SPTBN4: variants seen among roughly 807,000 people sequenced by gnomAD.
SPTBN4 encodes the protein spectrin beta, non-erythrocytic 4.
In SPTBN4, 96 loss-of-function variants were observed where a neutral mutation model predicts 277.8. The ratio of observed to expected loss-of-function variants is 0.35; its 90% confidence interval spans 0.29 to 0.41. SPTBN4 has a LOEUF of 0.41. SPTBN4 is among the 10% of genes least tolerant of loss of function. The probability of loss-of-function intolerance (pLI) is 1.00; values close to 1 mark genes in which losing one functional copy is unlikely to be tolerated. For missense variants in SPTBN4, 3,006 were observed against 3,595.7 expected (o/e 0.84, Z 4.19); for synonymous variants, 1,481 against 1,580.3 (o/e 0.94, Z 1.49).
chr19:40,486,850 A>G (rs913256964), intron 2 of SPTBN4, among the ~76,000 whole-genome samples: 2 of 152,144 alleles, frequency 1.3e-5, no homozygotes, highest in Admixed American at 6.6e-5. Flanking sequence ...ACAGGCACAG[A>G]GTGTGCATTC....
chr19:40,566,320 C>T lies in SPTBN4; in HGVS notation c.6297C>T (p.Ala2099=). The T allele has an allele frequency of 1.3e-6, 2 of 1,592,110 alleles. No homozygotes were observed. Among genetic ancestry groups the T allele is most frequent in the Non-Finnish European group, 1.7e-6 (2 of 1,169,468 alleles). Residue 2099 remains alanine, a synonymous_variant, in exon 30 of 36, where the codon GCC becomes GCT. Coordinates refer to ENST00000598249, the MANE Select transcript of SPTBN4 (RefSeq NM_020971.3). ...AGGCCTTCCGCAAAGCGGCTGCAGC[C>T]TGGGAAGAGAGGTTCAGCTCTCTGC... The part of the protein sequence containing the change: ...RHEAFRKAAA[A]WEERFSSLRR...
At position 40,572,393 on chromosome 19, in the gene SPTBN4, C is replaced by T; in HGVS notation, c.7536+13C>T. The T allele has an allele frequency of 6.2e-7, 1 of 1,614,120 alleles. No homozygotes were observed. Among genetic ancestry groups the T allele is most frequent in the Non-Finnish European group, 8.5e-7 (1 of 1,179,968 alleles). On this transcript the variant is annotated intron_variant, in intron 35 of 35. Coordinates refer to ENST00000598249, the MANE Select transcript of SPTBN4 (RefSeq NM_020971.3). ...GGCAAAAGATGAGGTGAGATCTGGT[C>T]CTTTCCTCCCTCTGTGTGGACCTCA...
At chr19:40,491,305 G>A (rs2080132872) in intron 4 of SPTBN4, among the ~76,000 whole-genome samples, 1 of 152,120 alleles carries the variant, frequency 6.6e-6, no homozygotes, top group Non-Finnish European at 1.5e-5. Context: ...AGAATGGGAG[G>A]CAACGGGAGA....
chr19:40,565,658 C>A lies in SPTBN4; in HGVS notation c.6055-3C>A. On this transcript the variant is annotated splice_region_variant and splice_polypyrimidine_tract_variant and intron_variant, in intron 28 of 35. Transcript: ENST00000598249. ...TTCCCTCCCACCCACCTGCCACTCCCAGATCCAGGCACAGCTGGACAAGCT... is the reference window on the plus strand; with the variant it reads ...TTCCCTCCCACCCACCTGCCACTCCAAGATCCAGGCACAGCTGGACAAGCT... 1 of 1,556,820 alleles carries A rather than the reference C, an allele frequency of 6.4e-7. No homozygotes were observed. The highest frequency in any genetic ancestry group is 8.7e-7 in the Non-Finnish European group (1 of 1,149,638).
Position 40,493,028 on chromosome 19 carries a change from C to A in SPTBN4, c.561C>A (p.Leu187=). 1 of 1,614,114 alleles carries A rather than the reference C, an allele frequency of 6.2e-7. No individual in the cohort carries two copies. Among genetic ancestry groups the A allele is most frequent in the East Asian group, 2.2e-5 (1 of 44,878 alleles). Residue 187 remains leucine (L), a synonymous_variant, in exon 5 of 36, where the codon CTC becomes CTA. Transcript: ENST00000598249. ...CACGCTCAGCCAAGGATGCTCTGCT[C>A]TTGTGGTGTCAGATGAAGACAGCTG... ...RETRSAKDAL[L]LWCQMKTAGY... is the part of the protein sequence containing the mutation.
At chr19:40,517,352 C>T (rs776787551) in intron 15 of SPTBN4, among the ~76,000 whole-genome samples, 3 of 151,450 alleles carry the variant, frequency 2.0e-5, no homozygotes, top group East Asian at 1.9e-4. Flanking sequence ...TGCAGTGGTA[C>T]GATCATGGCT....
At chr19:40,514,683 G>A (rs2080433557) in intron 14 of SPTBN4, among the ~76,000 whole-genome samples, 1 of 152,206 alleles carries the variant, frequency 6.6e-6, no homozygotes, top group Admixed American at 6.5e-5. Context: ...TGGAGACTGA[G>A]GTGTGACTGT....
chr19:40,481,901 C>T (rs950654545), intron 2 of SPTBN4, among the ~76,000 whole-genome samples: 3 of 151,372 alleles, frequency 2.0e-5, no homozygotes, highest in Non-Finnish European at 4.4e-5. Flanking sequence ...ATTTATTGGC[C>T]ATTCAAATAT....
chr19:40,552,424 C>T (rs1209536668), intron 22 of SPTBN4, among the ~76,000 whole-genome samples: 8 of 123,760 alleles, frequency 6.5e-5, no homozygotes, highest in Non-Finnish European at 1.3e-4. Flanking sequence ...CATTGCAATA[C>T]AGCCTGAGTG....
rs2080089070 is a variant in SPTBN4, at chr19:40,487,757, G to A, written c.230G>A (p.Arg77His). The A allele has an allele frequency of 1.2e-6, 2 of 1,613,518 alleles. No homozygotes were observed. Among genetic ancestry groups the A allele is most frequent in the South Asian group, 1.1e-5 (1 of 90,994 alleles). Reference protein sequence around the residue: ...FTKWVNSHLARVGCHIGDLYV... With the variant: ...FTKWVNSHLAHVGCHIGDLYV... ...AAGTGGGTGAACTCGCACCTCGCCC[G>A]CGTGGGCTGCCACATCGGGGACCTC... Residue 77 changes from arginine (R) to histidine (H), a missense_variant, in exon 3 of 36, where the codon CGC becomes CAC. Physicochemically the swap from Arg to His is conservative, Grantham distance 29 (BLOSUM62 0). Transcript: ENST00000598249.
In SPTBN4 at chr19:40,505,755, AAAG is replaced by A. The variant is rs965105000; in HGVS notation, c.1666-478_1666-476del. On this transcript the variant is annotated intron_variant, in intron 12 of 35. Transcript: ENST00000598249. Reference sequence around the variant, plus strand: ...GGAAGGAAGGAAGGAAGGAAGGAAGAAAGAAAGGTGAACAGGAGACACAGACAG... The same window carrying A: ...GGAAGGAAGGAAGGAAGGAAGGAAGAAAAGGTGAACAGGAGACACAGACAG... Among the ~76,000 whole-genome samples the A allele has an allele frequency of 3.9e-5, 5 of 127,352 alleles. No individual in the cohort carries two copies. The South Asian group carries it at 1.2e-3, about 32-fold the overall frequency. The allele number at this position is 127,352 out of a possible 152,430, so 83.5% of individuals were successfully genotyped here.
At position 40,519,597 on chromosome 19, in the gene SPTBN4, C is replaced by T; in HGVS notation, c.3100C>T (p.Leu1034=). The T allele has an allele frequency of 6.8e-7, 1 of 1,465,796 alleles. No homozygotes were observed. Among genetic ancestry groups the T allele is most frequent in the South Asian group, 1.4e-5 (1 of 73,852 alleles). The allele number at this position is 1,465,796 out of a possible 1,614,324, so 90.8% of individuals were successfully genotyped here. ...CGGCCTAGAGGCCGCTCTGCAGGCG[C>T]TGGAGCCGCGCCAGGCGGCCCTTCT... ...LSGLEAALQA[L]EPRQAALLEE... is the part of the protein sequence containing the mutation. The change falls in exon 16 of 36, where the codon CTG becomes TTG. Residue 1034 remains leucine (L), a synonymous_variant. Transcript: ENST00000598249. The surrounding 1 kb of genome is among the most constrained non-coding windows in gnomAD (Gnocchi z 5.7).
chr19:40,479,258 G>A (rs190368608), intron 2 of SPTBN4, among the ~76,000 whole-genome samples: 2 of 152,118 alleles, frequency 1.3e-5, no homozygotes, highest in African/African-American at 4.8e-5. Context: ...GTTTGAGACC[G>A]ACCTGGACAA....
intron 5 of SPTBN4, 85 bp from the exon 6 acceptor site, chr19:40,494,812 C>T: frequency 8.5e-7 from 1 of 1,170,182 alleles, no homozygotes; most frequent in Non-Finnish European, 1.2e-6. Flanking sequence ...CCTTCCCTAT[C>T]ATTCGGTCTC....
chr19:40,514,548 T>G (rs1036920884), intron 14 of SPTBN4, among the ~76,000 whole-genome samples: 1 of 152,148 alleles, frequency 6.6e-6, no homozygotes, highest in Non-Finnish European at 1.5e-5. Context: ...CAGATGACAG[T>G]GCTGTCCCCA....
chr19:40,502,476 G>A lies in SPTBN4; in HGVS notation c.1172G>A (p.Arg391Gln), dbSNP rs760715818. The A allele has an allele frequency of 2.8e-5, 45 of 1,613,278 alleles. No individual in the cohort carries two copies. The highest frequency in any genetic ancestry group is 1.6e-4 in the Middle Eastern group (1 of 6,078). ...RACNRRLFVP[R>Q]EGCGIWDIDK... ...TGCAACCGTCGCCTCTTTGTGCCTCGGGAGGGCTGTGGCATCTGGGATATT... is the reference window on the plus strand; with the variant it reads ...TGCAACCGTCGCCTCTTTGTGCCTCAGGAGGGCTGTGGCATCTGGGATATT... The change falls in exon 10 of 36, where the codon CGG becomes CAG. Residue 391 changes from arginine to glutamine, a missense_variant. Physicochemically the swap from Arg to Gln is conservative, Grantham distance 43 (BLOSUM62 1). Transcript: ENST00000598249. This position sits in a 1 kb window ranked among gnomAD's most constrained non-coding sequence, Gnocchi z 4.9.
In SPTBN4 at chr19:40,575,720, C is replaced by G. The variant is rs904356727; in HGVS notation, c.*151C>G. 3.0e-6 allele frequency: 3 copies of G among 999,474 alleles called. No individual in the cohort carries two copies. The highest frequency in any genetic ancestry group is 4.2e-6 in the Non-Finnish European group (3 of 709,262). The allele number at this position is 999,474 out of a possible 1,614,324, so 61.9% of individuals were successfully genotyped here. On this transcript the variant is annotated 3_prime_UTR_variant, in exon 36 of 36. Transcript: ENST00000598249. ...GGCACCGGAAAGGAGGGGACTTCTC[C>G]TGCACCCCAAGAAGTGGTGGGGAGA...
chr19:40,535,212 C>T (rs1006518975), intron 20 of SPTBN4, among the ~76,000 whole-genome samples: 5 of 151,960 alleles, frequency 3.3e-5, no homozygotes, highest in Non-Finnish European at 5.9e-5. Context: ...CATACCACCA[C>T]GTCTGGATAA....
rs567565653 is a variant in SPTBN4, at chr19:40,524,018, G to T, written c.3857+379G>T. On this transcript the variant is annotated intron_variant, in intron 17 of 35. Coordinates refer to ENST00000598249, the MANE Select transcript of SPTBN4 (RefSeq NM_020971.3). Reference sequence around the variant, plus strand: ...CGGTTTCACCATGTTGGCCAGACTGGTCTTGAACTCTTGACCACCCACCTT... The same window carrying T: ...CGGTTTCACCATGTTGGCCAGACTGTTCTTGAACTCTTGACCACCCACCTT... Among the ~76,000 whole-genome samples, 16 of 152,234 alleles carry T rather than the reference G, an allele frequency of 1.1e-4. 1 individual carries two copies. In the South Asian group the frequency reaches 3.3e-3, roughly 32 times the overall value.
Sources: allele counts gnomAD v4.1 joint callset (sites outside exome capture counted in the v4.1 genomes callset), GRCh38; gene constraint gnomAD v4.1.1; non-coding constraint Gnocchi (gnomAD v3.1); transcripts MANE v1.5; gene names NCBI Gene and HGNC (gene_info 2026-07-23, HGNC 2026-07-21).